DTWD2: variants seen among roughly 807,000 people sequenced by gnomAD.
DTWD2 encodes DTW motif tRNA-uridine aminocarboxypropyltransferase 2, also known as tRNA-uridine aminocarboxypropyltransferase 2.
In DTWD2, 39 loss-of-function variants were observed where a neutral mutation model predicts 31.8. That is an observed-to-expected ratio of 1.22 (90% CI 0.95 to 1.60). The LOEUF is 1.60. Ranked by LOEUF, DTWD2 falls within the 40% of genes most tolerant of loss-of-function variation. The pLI is 0.00. For missense variants in DTWD2, 515 were observed against 381.5 expected (o/e 1.35, Z -2.92); for synonymous variants, 180 against 142.8 (o/e 1.26, Z -1.86).
chr5:118,856,652 G>T (rs1752140433), intron 4 of DTWD2, among the ~76,000 whole-genome samples: 1 of 150,122 alleles, frequency 6.7e-6, no homozygotes, highest in Non-Finnish European at 1.5e-5. Flanking sequence ...CCTACATTTA[G>T]TATTATCAGA....
chr5:118,842,431 A>G lies in DTWD2; in HGVS notation c.727-1344T>C, dbSNP rs548387906. On this transcript the variant is annotated intron_variant, in intron 5 of 5. Transcript: ENST00000510708. Reference sequence around the variant, plus strand: ...AATAACTGTTGAAGGTAGGACAAGCATCATGTGACTACTAGGCAACAAACA... The same window carrying G: ...AATAACTGTTGAAGGTAGGACAAGCGTCATGTGACTACTAGGCAACAAACA... 4.4e-4 allele frequency among the ~76,000 whole-genome samples: 67 copies of G among 152,322 alleles called. 3 individuals carry two copies. The South Asian group carries it at 0.014, about 32-fold the overall frequency.
At chr5:118,905,694 GA>G (rs1753311801) in intron 4 of DTWD2, among the ~76,000 whole-genome samples, 1 of 151,992 alleles carries the variant, frequency 6.6e-6, no homozygotes, top group Non-Finnish European at 1.5e-5. Context: ...TATTTATGAA[GA>G]TAAAAATATT....
chr5:118,873,641 A>G (rs1752556591), intron 4 of DTWD2, among the ~76,000 whole-genome samples: 1 of 152,138 alleles, frequency 6.6e-6, no homozygotes, highest in Non-Finnish European at 1.5e-5. Flanking sequence ...GCCCCTGCCA[A>G]TCCCCACTGA....
At chr5:118,855,327 G>C (rs1170916550) in intron 4 of DTWD2, among the ~76,000 whole-genome samples, 1 of 150,218 alleles carries the variant, frequency 6.7e-6, no homozygotes, top group Non-Finnish European at 1.5e-5. Context: ...ACAGTGTCTT[G>C]CAGAGGCAGT....
chr5:118,841,876 CA>C (rs750855621), intron 5 of DTWD2, among the ~76,000 whole-genome samples: 5 of 151,604 alleles, frequency 3.3e-5, no homozygotes, highest in African/African-American at 9.7e-5. Context: ...TCAAAAATAA[CA>C]GCAAAAAAAC....
chr5:118,930,329 A>T (rs1231645547), intron 3 of DTWD2, among the ~76,000 whole-genome samples: 1 of 152,184 alleles, frequency 6.6e-6, no homozygotes, highest in East Asian at 1.9e-4. Flanking sequence ...CAAGCAAAAA[A>T]CAAAACAAAA....
chr5:118,933,314 A>G (rs1362593327), intron 3 of DTWD2, among the ~76,000 whole-genome samples: 1 of 152,190 alleles, frequency 6.6e-6, no homozygotes, highest in Admixed American at 6.5e-5. Flanking sequence ...AATTCATTCT[A>G]TAAGGCCAGC....
chr5:118,968,593 G>A (rs764991159), intron 1 of DTWD2, among the ~76,000 whole-genome samples: 2 of 152,176 alleles, frequency 1.3e-5, no homozygotes, highest in African/African-American at 2.4e-5. Flanking sequence ...AGGAAACCAC[G>A]TTTTTCCCAT....
At chr5:118,970,702 G>A (rs993583863) in intron 1 of DTWD2, among the ~76,000 whole-genome samples, 1 of 151,940 alleles carries the variant, frequency 6.6e-6, no homozygotes, top group African/African-American at 2.4e-5. Flanking sequence ...ATTCTCCAAG[G>A]TCAAAATGAA....
At chr5:118,932,300 G>C (rs1462375421) in intron 3 of DTWD2, among the ~76,000 whole-genome samples, 2 of 144,758 alleles carry the variant, frequency 1.4e-5, no homozygotes, top group East Asian at 4.0e-4. Context: ...AATGTAGCAA[G>C]ACTCTGTCTT....
Position 118,928,738 on chromosome 5 carries a change from G to A in DTWD2, c.405-9C>T, listed in dbSNP as rs755243819. The stretch of plus-strand genomic sequence containing the variant: ...TTGAAAGTTCAGGATCTCTGAAAAA[G>A]TTTTTTAAAAATATATCTTTATTAG... On this transcript the variant is annotated splice_polypyrimidine_tract_variant and intron_variant, in intron 3 of 5. Transcript: ENST00000510708. 77 of 1,519,400 alleles carry A rather than the reference G, an allele frequency of 5.1e-5. No individual in the cohort carries two copies. Among genetic ancestry groups the A allele is most frequent in the Non-Finnish European group, 6.6e-5 (75 of 1,136,334 alleles). The allele number at this position is 1,519,400 out of a possible 1,614,324, so 94.1% of individuals were successfully genotyped here.
chr5:118,863,379 T>C (rs1752311215), intron 4 of DTWD2, among the ~76,000 whole-genome samples: 1 of 152,200 alleles, frequency 6.6e-6, no homozygotes, highest in African/African-American at 2.4e-5. Flanking sequence ...TTACATGTCA[T>C]CATGCACCAA....
chr5:118,841,147 T>G, intron 5 of DTWD2, 60 bp from the exon 6 acceptor site: 1 of 1,534,076 alleles, frequency 6.5e-7, no homozygotes, highest in Non-Finnish European at 8.8e-7. Flanking sequence ...ATTCTATCTA[T>G]ATTTTTCATT....
At chr5:118,860,080 T>C (rs1752225886) in intron 4 of DTWD2, among the ~76,000 whole-genome samples, 1 of 151,972 alleles carries the variant, frequency 6.6e-6, no homozygotes, top group African/African-American at 2.4e-5. Context: ...ATCATTCCAC[T>C]GTACTCCAGC....
intron 3 of DTWD2, among the ~76,000 whole-genome samples, chr5:118,930,526 C>T (rs999625938): frequency 1.3e-5 from 2 of 152,006 alleles, no homozygotes; most frequent in Admixed American, 6.6e-5. Flanking sequence ...AGGGCAAACA[C>T]TCCAAAAACC....
In DTWD2 at chr5:118,935,776, C is replaced by T. The variant is rs183865673; in HGVS notation, c.404+3420G>A. Among the ~76,000 whole-genome samples, 73 of 152,202 alleles carry T rather than the reference C, an allele frequency of 4.8e-4. 1 individual carries two copies. In the East Asian group the frequency reaches 0.012, roughly 25 times the overall value. The stretch of plus-strand genomic sequence containing the variant: ...CAAAAGAACAAAATGTAAAAATAAA[C>T]AAATCCCTAATCATAGCTGGAGATT... On this transcript the variant is annotated intron_variant, in intron 3 of 5. Transcript: ENST00000510708.
At chr5:118,979,532 T>C (rs370805993) in intron 1 of DTWD2, among the ~76,000 whole-genome samples, 131 of 152,330 alleles carry the variant, frequency 8.6e-4, no homozygotes, top group Non-Finnish European at 8.1e-4. Flanking sequence ...ATATAAATCA[T>C]TCTATTATAA....
At chr5:118,923,214 C>G (rs1166414345) in intron 4 of DTWD2, among the ~76,000 whole-genome samples, 2 of 151,712 alleles carry the variant, frequency 1.3e-5, no homozygotes, top group Non-Finnish European at 2.9e-5. Context: ...GAGCTCTCCC[C>G]CTAACCACTA....
intron 1 of DTWD2, among the ~76,000 whole-genome samples, chr5:118,948,745 G>A (rs1754395302): frequency 6.6e-6 from 1 of 152,168 alleles, no homozygotes; most frequent in Admixed American, 6.5e-5. Flanking sequence ...AAAGGGTTGG[G>A]ATTAGTTAGG....
Sources: gnomAD v4.1 joint callset for allele counts (sites outside exome capture counted in the v4.1 genomes callset) on GRCh38, gnomAD v4.1.1 for gene constraint, MANE v1.5 for transcripts, NCBI Gene and HGNC (gene_info 2026-07-23, HGNC 2026-07-21) for gene names.